ZNF131: variants seen among roughly 807,000 people sequenced by gnomAD.
ZNF131 encodes the protein zinc finger and BTB domain containing 35.
Under a neutral mutation model 60.0 loss-of-function variants are expected in ZNF131, and 7 were observed. That is an observed-to-expected ratio of 0.12 (90% CI 0.07 to 0.22). ZNF131 has a LOEUF of 0.22. Ranked by LOEUF, ZNF131 falls within the 10% of genes least tolerant of loss-of-function variation. The pLI, the probability that ZNF131 is intolerant of heterozygous loss-of-function variation, is 1.00. For synonymous variants in ZNF131, 257 were observed against 253.2 expected (o/e 1.01, Z -0.14); for missense variants, 493 against 740.9 (o/e 0.67, Z 3.88).
rs1750678678 is a variant in ZNF131 at position 43,169,079 on chromosome 5, G to C, written c.1055-4239G>C. On this transcript the variant is annotated intron_variant, in intron 5 of 6. Transcript: ENST00000682664. Reference sequence around the variant, plus strand: ...AATTACTCCCTAGTTTCCAAGAAAAGTAGTGTGGAATCATAGAGGGAATGT... The same window carrying C: ...AATTACTCCCTAGTTTCCAAGAAAACTAGTGTGGAATCATAGAGGGAATGT... Among the ~76,000 whole-genome samples the C allele has an allele frequency of 3.3e-5, 5 of 152,230 alleles. No individual in the cohort carries two copies. In the South Asian group the frequency reaches 1.0e-3, roughly 31 times the overall value.
chr5:43,171,578 T>C (rs372454977), intron 5 of ZNF131, among the ~76,000 whole-genome samples: 75 of 152,176 alleles, frequency 4.9e-4, no homozygotes, highest in African/African-American at 1.8e-3. Context: ...AATGCTATTA[T>C]TGACATGCTC....
At chr5:43,121,983 G>A in intron 1 of ZNF131, 56 bp from the exon 2 acceptor site, 4 of 1,571,426 alleles carry the variant, frequency 2.5e-6, no homozygotes, top group Non-Finnish European at 3.4e-6. Flanking sequence ...TGCTTTAGGG[G>A]TTTTGTTCCT....
intron 4 of ZNF131, among the ~76,000 whole-genome samples, chr5:43,156,131 C>A (rs1385669163): frequency 6.6e-6 from 1 of 152,188 alleles, no homozygotes; most frequent in African/African-American, 2.4e-5. Flanking sequence ...GCTATACATT[C>A]ACATGTTGAA....
intron 4 of ZNF131, among the ~76,000 whole-genome samples, chr5:43,146,962 G>T (rs944423536): frequency 6.6e-6 from 1 of 152,034 alleles, no homozygotes; most frequent in African/African-American, 2.4e-5. Context: ...CAAGATCAGG[G>T]GAACACTTTT....
chr5:43,139,404 CA>C (rs1285856460), intron 4 of ZNF131, 95 bp downstream of exon 4: 16 of 1,224,770 alleles, frequency 1.3e-5, no homozygotes, highest in Non-Finnish European at 6.4e-6. Context: ...CCATGAAGAA[CA>C]GAGTTCTTCA....
Position 43,162,028 on chromosome 5 carries a change from A to G in ZNF131, c.1054+97A>G, listed in dbSNP as rs1049517355. The G allele has an allele frequency of 2.6e-6, 3 of 1,150,884 alleles. No individual in the cohort carries two copies. In the African/African-American group the frequency reaches 4.7e-5, roughly 18 times the overall value. The allele number at this position is 1,150,884 out of a possible 1,614,324, so 71.3% of individuals were successfully genotyped here. Reference sequence around the variant, plus strand: ...TTAAAAAAATAGTGCCTCAGAAGCCATCTCATGTATTATCTCTAATGTGTA... The same window carrying G: ...TTAAAAAAATAGTGCCTCAGAAGCCGTCTCATGTATTATCTCTAATGTGTA... On this transcript the variant is annotated intron_variant, in intron 5 of 6. Transcript: ENST00000682664.
intron 3 of ZNF131, 170 bp downstream of exon 3, chr5:43,123,480 A>G: frequency 2.0e-6 from 1 of 487,994 alleles, no homozygotes. Flanking sequence ...AGGTAGATAA[A>G]TTGTTCTTTT....
intron 4 of ZNF131, among the ~76,000 whole-genome samples, chr5:43,154,139 G>A (rs909307823): frequency 6.6e-6 from 1 of 151,994 alleles, no homozygotes; most frequent in Non-Finnish European, 1.5e-5. Flanking sequence ...TGGTGGGGCG[G>A]GGTGGCTCAC....
At chr5:43,137,657 C>G (rs1395220630) in intron 3 of ZNF131, among the ~76,000 whole-genome samples, 1 of 151,852 alleles carries the variant, frequency 6.6e-6, no homozygotes, top group African/African-American at 2.4e-5. Flanking sequence ...ATAGGTGCAG[C>G]CATTATGGAA....
chr5:43,161,141 G>C (rs569905003), intron 4 of ZNF131, 108 bp from the exon 5 acceptor site: 57 of 1,028,822 alleles, frequency 5.5e-5, no homozygotes, highest in Admixed American at 1.8e-4. Flanking sequence ...CTGCAGTCTT[G>C]TTTTATAACT....
At chr5:43,133,063 G>C (rs1361867528) in intron 3 of ZNF131, among the ~76,000 whole-genome samples, 1 of 152,110 alleles carries the variant, frequency 6.6e-6, no homozygotes, top group African/African-American at 2.4e-5. Context: ...TTCATTAGCA[G>C]ACTGAACCAA....
chr5:43,166,514 C>T (rs1750374047), intron 5 of ZNF131, among the ~76,000 whole-genome samples: 1 of 151,400 alleles, frequency 6.6e-6, no homozygotes, highest in African/African-American at 2.4e-5. Flanking sequence ...GTGCCCGCTA[C>T]CATGCCTGGC....
intron 5 of ZNF131, among the ~76,000 whole-genome samples, chr5:43,162,446 GC>G (rs1749799506): frequency 6.6e-6 from 1 of 151,202 alleles, no homozygotes; most frequent in Non-Finnish European, 1.5e-5. Context: ...ACAAAAATTA[GC>G]CAGGCGTGGT....
At chr5:43,162,721 T>C (rs1224046376) in intron 5 of ZNF131, among the ~76,000 whole-genome samples, 2 of 151,120 alleles carry the variant, frequency 1.3e-5, no homozygotes, top group Admixed American at 6.6e-5. Flanking sequence ...CTGACCAACA[T>C]TGTGAAACCC....
intron 3 of ZNF131, among the ~76,000 whole-genome samples, chr5:43,138,174 C>G (rs567889746): frequency 6.6e-6 from 1 of 152,108 alleles, no homozygotes; most frequent in African/African-American, 2.4e-5. Context: ...CAACATTGTA[C>G]CTAGAGTCAA....
At chr5:43,131,494 C>T (rs1041286361) in intron 3 of ZNF131, among the ~76,000 whole-genome samples, 1 of 152,106 alleles carries the variant, frequency 6.6e-6, no homozygotes, top group Admixed American at 6.6e-5. Context: ...TTTTGACCAC[C>T]TCTGTGTTGA....
At chr5:43,121,615 G>T (rs1427069207) in intron 1 of ZNF131, 1 of 154,344 alleles carries the variant, frequency 6.5e-6, no homozygotes, top group Non-Finnish European at 1.4e-5. Context: ...GAGGGCGGGG[G>T]AGGGAGAGGC....
intron 3 of ZNF131, among the ~76,000 whole-genome samples, chr5:43,126,989 CAT>C (rs1451141865): frequency 2.0e-5 from 3 of 152,216 alleles, no homozygotes; most frequent in South Asian, 4.1e-4. Flanking sequence ...TCTAAGCTGA[CAT>C]ATGTGGGAGA....
intron 5 of ZNF131, 135 bp downstream of exon 5, chr5:43,162,066 G>A (rs961435198): frequency 1.4e-5 from 11 of 805,592 alleles, no homozygotes; most frequent in South Asian, 8.1e-5. Context: ...CTAAGTACAC[G>A]TTTTTATAGT....
Sources: gnomAD v4.1 joint callset for allele counts (sites outside exome capture counted in the v4.1 genomes callset) on GRCh38, gnomAD v4.1.1 for gene constraint, MANE v1.5 for transcripts, NCBI Gene and HGNC (gene_info 2026-07-23, HGNC 2026-07-21) for gene names.